The following ZNF676 variants were observed in gnomAD, a reference collection of about 807,000 sequenced individuals.
The protein encoded by ZNF676 is zinc finger protein 676.
ZNF676 carries 4 observed loss-of-function variants against 6.0 expected under a neutral mutation model. The observed-to-expected ratio is 0.67, with a 90% CI of 0.33 to 1.53. The LOEUF (loss-of-function observed/expected upper bound fraction) is 1.53. Among genes scored for constraint, ZNF676 ranks in the 40% most tolerant of loss-of-function variants. The pLI, the probability that ZNF676 is intolerant of heterozygous loss-of-function variation, is 0.06. For synonymous variants in ZNF676, 198 were observed against 223.1 expected (o/e 0.89, Z 1.00); for missense variants, 644 against 679.7 (o/e 0.95, Z 0.58).
Position 22,209,135 on chromosome 19 carries a change from C to G in ZNF676, c.3+6497G>C, listed in dbSNP as rs139757073. 2.6e-3 allele frequency among the ~76,000 whole-genome samples: 398 copies of G among 152,068 alleles called. 1 individual carries two copies. The highest frequency in any genetic ancestry group is 8.7e-3 in the African/African-American group (359 of 41,466). ...CAAAAATTAGCTGAGTGTGGTGGCA[C>G]ACGCCTGTAATCCCAGCTACTTGGG... On this transcript the variant is annotated intron_variant, in intron 1 of 3. Transcript: ENST00000650058.
At chr19:22,199,987 C>T (rs1258180964), upstream of ZNF676, among the ~76,000 whole-genome samples, 4 of 152,060 alleles carry the variant, frequency 2.6e-5, no homozygotes, top group Admixed American at 1.3e-4. Flanking sequence ...CTAATCAGTT[C>T]TTTGAGGCAA....
the ZNF676 span, among the ~76,000 whole-genome samples, chr19:22,231,223 T>C: frequency 6.6e-6 from 1 of 151,338 alleles, no homozygotes; most frequent in African/African-American, 2.4e-5. Flanking sequence ...AAAATCTGTA[T>C]AGATATGCAA....
Position 22,193,054 on chromosome 19 carries a change from C to T in ZNF676, c.92G>A (p.Trp31Ter). The change falls in exon 2 of 3, where the codon TGG (tryptophan) becomes TAG (stop). Residue 31 changes from tryptophan to a stop codon, truncating the protein, a stop_gained. Transcript: ENST00000397121. LOFTEE classifies it low-confidence loss of function (END_TRUNC). ...CACCATCTCATGTCTCTTCATATTC[C>T]AGGGCTCTTTTCCTTGCTCCAGAAA... Reference protein sequence around the residue: ...IIFLEQGKEPWNMKRHEMVEE... With the variant: ...IIFLEQGKEP The T allele has an allele frequency of 6.2e-7, 1 of 1,610,458 alleles. No individual in the cohort carries two copies. Among genetic ancestry groups the T allele is most frequent in the Non-Finnish European group, 8.5e-7 (1 of 1,178,596 alleles).
At chr19:22,211,418 T>C (rs1410484462) in intron 1 of ZNF676, among the ~76,000 whole-genome samples, 2 of 152,186 alleles carry the variant, frequency 1.3e-5, no homozygotes, top group East Asian at 1.9e-4. Flanking sequence ...TTTAATTACA[T>C]GTCAGAGTCA....
At position 22,181,152 on chromosome 19, in the gene ZNF676, T is replaced by C; in HGVS notation, c.565A>G (p.Ser189Gly). 6.2e-7 allele frequency: 1 copy of C among 1,613,956 alleles called. No individual in the cohort carries two copies. Among genetic ancestry groups the C allele is most frequent in the East Asian group, 2.2e-5 (1 of 44,860 alleles). The change falls in exon 3 of 3, where the codon AGT becomes GGT. Residue 189 changes from serine to glycine, a missense_variant. Physicochemically the swap from Ser to Gly is moderately conservative, Grantham distance 56. Around this residue, in one of 5 missense-constraint regions of ZNF676, gnomAD observed 280 missense variants for 269.3 expected, o/e 1.04. Coordinates refer to ENST00000397121, the MANE Select transcript of ZNF676 (RefSeq NM_001001411.3). ...TAGGGTTTCTCTCCAGTATGAATAC[T>C]CTTATAATAAGTAAGGGTTGAGGAC... ...NWSSTLTYYK[S>G]IHTGEKPYKC... is the part of the protein sequence containing the mutation.
At chr19:22,207,133 A>G (rs1292304119) in intron 1 of ZNF676, among the ~76,000 whole-genome samples, 2 of 152,216 alleles carry the variant, frequency 1.3e-5, no homozygotes, top group African/African-American at 4.8e-5. Context: ...GCATCCAAAC[A>G]AAAAGAGAGG....
the ZNF676 span, among the ~76,000 whole-genome samples, chr19:22,233,191 T>G: frequency 6.6e-6 from 1 of 152,126 alleles, no homozygotes; most frequent in Non-Finnish European, 1.5e-5. Flanking sequence ...TGTTACAAAT[T>G]TTTAGTAGAG....
At chr19:22,246,615 A>G in the ZNF676 span, among the ~76,000 whole-genome samples, 1 of 152,194 alleles carries the variant, frequency 6.6e-6, no homozygotes. Context: ...CACATTACAT[A>G]GGTACTGGGC....
intron 2 of ZNF676, among the ~76,000 whole-genome samples, chr19:22,191,629 A>G (rs1295792068): frequency 6.6e-6 from 1 of 152,172 alleles, no homozygotes; most frequent in African/African-American, 2.4e-5. Flanking sequence ...CACCATATGC[A>G]GACTTGACTG....
At chr19:22,236,969 G>C in the ZNF676 span, among the ~76,000 whole-genome samples, 1 of 152,192 alleles carries the variant, frequency 6.6e-6, no homozygotes, top group African/African-American at 2.4e-5. Context: ...TTTAAATTTT[G>C]TAGTTGAGAG....
At chr19:22,249,248 A>AT in the ZNF676 span, among the ~76,000 whole-genome samples, 206 of 152,192 alleles carry the variant, frequency 1.4e-3, no homozygotes, top group African/African-American at 4.7e-3. Context: ...AAAAATGTTA[A>AT]TTTTTTTGGC....
At chr19:22,238,565 C>T in the ZNF676 span, among the ~76,000 whole-genome samples, 1 of 152,116 alleles carries the variant, frequency 6.6e-6, no homozygotes, top group Admixed American at 6.5e-5. Flanking sequence ...AAAAGAACTC[C>T]ATCCTTAATA....
At chr19:22,258,669 A>T in the ZNF676 span, among the ~76,000 whole-genome samples, 1 of 152,086 alleles carries the variant, frequency 6.6e-6, no homozygotes, top group Non-Finnish European at 1.5e-5. Context: ...TGGCCCATGT[A>T]AGGCACAGGC....
chr19:22,189,048 G>C (rs745734314), intron 2 of ZNF676, among the ~76,000 whole-genome samples: 3 of 151,674 alleles, frequency 2.0e-5, no homozygotes, highest in African/African-American at 4.8e-5. Flanking sequence ...ACATGGCCAA[G>C]GCAATCCTAA....
intron 2 of ZNF676, among the ~76,000 whole-genome samples, chr19:22,185,498 A>AC (rs1394452066): frequency 6.6e-6 from 1 of 152,054 alleles, no homozygotes; most frequent in Non-Finnish European, 1.5e-5. Flanking sequence ...GCAAAAAAAA[A>AC]AAAACAAAAC....
At chr19:22,222,494 G>T in the ZNF676 span, among the ~76,000 whole-genome samples, 1 of 152,156 alleles carries the variant, frequency 6.6e-6, no homozygotes, top group South Asian at 2.1e-4. Flanking sequence ...CAATTTCAAT[G>T]GCTTTAAACA....
intron 2 of ZNF676, among the ~76,000 whole-genome samples, chr19:22,183,749 C>T (rs1046008328): frequency 6.6e-6 from 1 of 152,186 alleles, no homozygotes; most frequent in Non-Finnish European, 1.5e-5. Flanking sequence ...ACATTTCATG[C>T]AAATATTAGT....
upstream of ZNF676, among the ~76,000 whole-genome samples, chr19:22,201,899 T>C (rs2144791585): frequency 6.6e-6 from 1 of 152,246 alleles, no homozygotes; most frequent in East Asian, 1.9e-4. Flanking sequence ...TTGGTCTAAT[T>C]TAAAGCTACT....
At chr19:22,219,052 C>T (rs568655895), upstream of ZNF676, among the ~76,000 whole-genome samples, 113 of 128,084 alleles carry the variant, frequency 8.8e-4, no homozygotes, top group Non-Finnish European at 1.6e-3. Flanking sequence ...TTTTTGGTAT[C>T]CTGAAATTTT....
Sources: gnomAD v4.1 joint callset for allele counts (sites outside exome capture counted in the v4.1 genomes callset) on GRCh38, gnomAD v4.1.1 for gene constraint, gnomAD v4.1.1 regional missense constraint, MANE v1.5 for transcripts, NCBI Gene and HGNC (gene_info 2026-07-23, HGNC 2026-07-21) for gene names.